The following UTRN variants were observed in gnomAD, a reference collection of about 807,000 sequenced individuals.
The protein encoded by UTRN is dystrophin-related protein 1.
In UTRN, 283 loss-of-function variants were observed where a neutral mutation model predicts 463.9. The observed-to-expected ratio is 0.61, with a 90% CI of 0.55 to 0.67. UTRN has a LOEUF of 0.67. Ranked by LOEUF, UTRN falls within the 30% of genes least tolerant of loss-of-function variation. The probability of loss-of-function intolerance (pLI) is 0.00; values close to 1 mark genes in which losing one functional copy is unlikely to be tolerated. For synonymous variants in UTRN, 1,442 were observed against 1,431.5 expected, an observed-to-expected ratio of 1.01 and a Z score of -0.17; for missense variants, 3,922 against 4,084.3, an observed-to-expected ratio of 0.96 and a Z score of 1.08.
intron 51 of UTRN, among the ~76,000 whole-genome samples, chr6:144,607,874 T>C (rs1216870384): frequency 6.6e-6 from 1 of 152,216 alleles, no homozygotes; most frequent in Non-Finnish European, 1.5e-5. Flanking sequence ...TGTTTTGTTT[T>C]ATTTGGGACT....
At chr6:144,446,361 C>CTCAGTCT (rs1787695556) in intron 14 of UTRN, among the ~76,000 whole-genome samples, 1 of 152,064 alleles carries the variant, frequency 6.6e-6, no homozygotes, top group African/African-American at 2.4e-5. Flanking sequence ...GGACAGTATC[C>CTCAGTCT]ATTGGGGGGT....
At chr6:144,706,431 G>A (rs1247727576) in intron 53 of UTRN, among the ~76,000 whole-genome samples, 4 of 151,844 alleles carry the variant, frequency 2.6e-5, no homozygotes, top group Admixed American at 2.6e-4. Flanking sequence ...GCAAACCTGA[G>A]TTTTCATCCC....
chr6:144,739,255 T>A (rs561581125), intron 54 of UTRN, among the ~76,000 whole-genome samples: 1 of 152,350 alleles, frequency 6.6e-6, no homozygotes, highest in Non-Finnish European at 1.5e-5. Context: ...GAAGAATTTA[T>A]AAGTGACATA....
At chr6:144,397,518 G>A (rs988915469) in intron 2 of UTRN, among the ~76,000 whole-genome samples, 2 of 152,062 alleles carry the variant, frequency 1.3e-5, no homozygotes, top group East Asian at 3.9e-4. Context: ...CAGTTTTCAG[G>A]ATTGAAAACT....
intron 52 of UTRN, among the ~76,000 whole-genome samples, chr6:144,684,714 A>G (rs1782568070): frequency 6.6e-6 from 1 of 152,210 alleles, no homozygotes; most frequent in Non-Finnish European, 1.5e-5. Context: ...CAACCTCATC[A>G]GTAAGATGGC....
At chr6:144,477,729 ATCC>A (rs1791382476) in intron 25 of UTRN, among the ~76,000 whole-genome samples, 7 of 152,194 alleles carry the variant, frequency 4.6e-5, no homozygotes, top group African/African-American at 1.7e-4. Context: ...CTCATCTCTT[ATCC>A]TAGCTAAATT....
chr6:144,690,087 T>TGTGTGTG (rs1320702930), intron 52 of UTRN, among the ~76,000 whole-genome samples: 1 of 41,332 alleles, frequency 2.4e-5, no homozygotes, highest in African/African-American at 1.3e-4. Flanking sequence ...TTTTTTTTTT[T>TGTGTGTG]TTTTTTTTTG....
At chr6:144,843,067 C>G (rs1781728905) in intron 73 of UTRN, among the ~76,000 whole-genome samples, 1 of 152,210 alleles carries the variant, frequency 6.6e-6, no homozygotes, top group East Asian at 1.9e-4. Flanking sequence ...TAGATAAAAT[C>G]TCATCATAGT....
rs976385258 is a variant in UTRN at position 144,285,339 on chromosome 6, T to C, written c.-575T>C. ...CGCGCACAAAGTTGTGGAGTCGTTT[T>C]TCCTCGGAGCAGGGAAGCGGGCAGC... On this transcript the variant is annotated 5_prime_UTR_variant, in exon 1 of 75. Transcript: ENST00000367545. Among the ~76,000 whole-genome samples, 16 of 152,228 alleles carry C rather than the reference T, an allele frequency of 1.1e-4. No individual in the cohort carries two copies. Among genetic ancestry groups the C allele is most frequent in the African/African-American group, 3.9e-4 (16 of 41,462 alleles).
At chr6:144,657,056 G>T (rs191138177) in intron 51 of UTRN, among the ~76,000 whole-genome samples, 1 of 152,254 alleles carries the variant, frequency 6.6e-6, no homozygotes, top group East Asian at 1.9e-4. Context: ...TTCGAGACCA[G>T]CCTGACGAAC....
At chr6:144,430,931 A>G (rs1479099856) in intron 9 of UTRN, among the ~76,000 whole-genome samples, 2 of 152,150 alleles carry the variant, frequency 1.3e-5, no homozygotes, top group African/African-American at 4.8e-5. Context: ...TTATAGAAAA[A>G]GAAAAAAATT....
intron 51 of UTRN, 90 bp from the exon 52 acceptor site, chr6:144,678,316 A>T (rs1781855063): frequency 8.0e-7 from 1 of 1,243,688 alleles, no homozygotes; most frequent in Non-Finnish European, 1.1e-6. Context: ...AGGTGAAATG[A>T]ACTATTTTGC....
intron 2 of UTRN, among the ~76,000 whole-genome samples, chr6:144,357,476 C>T (rs1376352273): frequency 6.6e-6 from 1 of 152,188 alleles, no homozygotes; most frequent in East Asian, 1.9e-4. Context: ...TGTAGTCTTC[C>T]TATCCTTTCC....
At chr6:144,604,375 AT>A (rs138469344) in intron 51 of UTRN, among the ~76,000 whole-genome samples, 2,728 of 152,312 alleles carry the variant, frequency 0.018, 58 homozygotes, top group African/African-American at 0.051. Context: ...GCTTTAAAGA[AT>A]TAAAAATTGC....
chr6:144,312,270 A>G (rs1014374436), intron 2 of UTRN, among the ~76,000 whole-genome samples: 3 of 152,122 alleles, frequency 2.0e-5, no homozygotes, highest in Non-Finnish European at 4.4e-5. Context: ...CTAAAAATAC[A>G]AAAAATTAGC....
chr6:144,308,202 G>T (rs995630276), intron 2 of UTRN, among the ~76,000 whole-genome samples: 1 of 152,150 alleles, frequency 6.6e-6, no homozygotes, highest in Non-Finnish European at 1.5e-5. Flanking sequence ...TGTAAACATT[G>T]ATGATCCTTC....
intron 33 of UTRN, among the ~76,000 whole-genome samples, chr6:144,496,972 T>A (rs1793708244): frequency 6.6e-6 from 1 of 152,156 alleles, no homozygotes. Flanking sequence ...AGAGCCAGTG[T>A]GAGGAACATG....
chr6:144,320,541 G>A (rs1775573510), intron 2 of UTRN, among the ~76,000 whole-genome samples: 1 of 152,126 alleles, frequency 6.6e-6, no homozygotes, highest in Non-Finnish European at 1.5e-5. Flanking sequence ...TTATAAATTG[G>A]TTGGAATGTG....
At chr6:144,604,972 A>G (rs1017043646) in intron 51 of UTRN, among the ~76,000 whole-genome samples, 20 of 152,074 alleles carry the variant, frequency 1.3e-4, no homozygotes, top group African/African-American at 3.9e-4. Context: ...AAGTTTGCAA[A>G]TATTTTATCT....
Sources: gnomAD v4.1 joint callset for allele counts (sites outside exome capture counted in the v4.1 genomes callset) on GRCh38, gnomAD v4.1.1 for gene constraint, MANE v1.5 for transcripts, NCBI Gene and HGNC (gene_info 2026-07-23, HGNC 2026-07-21) for gene names.